The following NUP107 variants were observed in gnomAD, a reference collection of about 807,000 sequenced individuals.
NUP107 encodes nuclear pore complex protein Nup107.
NUP107 carries 101 observed loss-of-function variants against 141.0 expected under a neutral mutation model. The observed-to-expected ratio is 0.72, with a 90% CI of 0.61 to 0.84. The LOEUF (loss-of-function observed/expected upper bound fraction) is 0.84, where lower values mean the gene tolerates loss of function less well. Among genes scored for constraint, NUP107 ranks in the 40% least tolerant of loss-of-function variants. NUP107 has a pLI of 0.00. For synonymous variants in NUP107, 319 were observed against 363.9 expected (o/e 0.88, Z 1.41); for missense variants, 941 against 1,102.7 (o/e 0.85, Z 2.08).
rs757668208 is a variant in NUP107 at position 68,690,674 on chromosome 12, C to T, written c.231C>T (p.Ser77=). Residue 77 remains serine, a synonymous_variant, in exon 4 of 28, where the codon TCC becomes TCT. Coordinates refer to ENST00000229179, the MANE Select transcript of NUP107 (RefSeq NM_020401.4). The part of the protein sequence containing the change: ...SRSLLRQPDI[S]CILGTGGKSP... The stretch of plus-strand genomic sequence containing the variant: ...GCTTACTAAGGCAGCCAGATATTTC[C>T]TGCATTCTTGGAACAGGAGGGAAGT... 3 of 1,614,150 alleles carry T rather than the reference C, an allele frequency of 1.9e-6. No individual in the cohort carries two copies. The highest frequency in any genetic ancestry group is 2.5e-6 in the Non-Finnish European group (3 of 1,180,010).
chr12:68,710,896 T>C (rs35287096), intron 10 of NUP107, among the ~76,000 whole-genome samples: 5,194 of 152,146 alleles, frequency 0.034, 129 homozygotes, highest in African/African-American at 0.06. Flanking sequence ...GGTATCCAAG[T>C]AGGGTCCCCT....
At chr12:68,687,222 C>A in intron 1 of NUP107, 149 bp downstream of exon 1, 2 of 1,170,538 alleles carry the variant, frequency 1.7e-6, no homozygotes, top group Non-Finnish European at 2.4e-6. Context: ...GAAATTTGGC[C>A]ACAAATGGGG....
At chr12:68,707,688 A>G (rs1394747276) in intron 8 of NUP107, among the ~76,000 whole-genome samples, 2 of 152,228 alleles carry the variant, frequency 1.3e-5, no homozygotes, top group East Asian at 3.8e-4. Context: ...CTATTTACAT[A>G]TGTAGCATTT....
intron 5 of NUP107, 96 bp downstream of exon 5, chr12:68,692,208 TTTTC>T (rs976806532): frequency 3.2e-5 from 40 of 1,253,348 alleles, no homozygotes; most frequent in East Asian, 2.2e-4. Flanking sequence ...TATGTTTTTC[TTTTC>T]TTTCTTTCTG....
chr12:68,694,618 G>A (rs1875961337), intron 5 of NUP107, among the ~76,000 whole-genome samples: 1 of 152,136 alleles, frequency 6.6e-6, no homozygotes, highest in South Asian at 2.1e-4. Flanking sequence ...AGAATAGACA[G>A]AGGCTGGACG....
intron 8 of NUP107, among the ~76,000 whole-genome samples, chr12:68,708,856 T>C (rs1034618051): frequency 3.3e-5 from 5 of 152,140 alleles, no homozygotes; most frequent in African/African-American, 9.7e-5. Context: ...TGACCTCAAG[T>C]GATCTGCCTG....
At chr12:68,692,902 A>G (rs1241049075) in intron 5 of NUP107, among the ~76,000 whole-genome samples, 1 of 151,482 alleles carries the variant, frequency 6.6e-6, no homozygotes, top group Non-Finnish European at 1.5e-5. Context: ...GGCGTCTGCT[A>G]CCACACCCGG....
chr12:68,722,289 G>A (rs1877387824), intron 17 of NUP107, 137 bp downstream of exon 17: 5 of 674,612 alleles, frequency 7.4e-6, no homozygotes, highest in South Asian at 5.8e-5. Context: ...TCTTTGAAAC[G>A]AAGAAACTTA....
chr12:68,732,462 T>C (rs939010702), intron 22 of NUP107, 175 bp from the exon 23 acceptor site: 5 of 483,444 alleles, frequency 1.0e-5, no homozygotes, highest in African/African-American at 9.8e-5. Context: ...AATAGAGAGC[T>C]GTTAAATATG....
At chr12:68,712,942 C>A (rs1355236439) in intron 10 of NUP107, among the ~76,000 whole-genome samples, 2 of 151,942 alleles carry the variant, frequency 1.3e-5, no homozygotes, top group Non-Finnish European at 2.9e-5. Context: ...AAGCTAAAAA[C>A]CATAAAGCTT....
chr12:68,734,741 C>T lies in NUP107; in HGVS notation c.2296C>T (p.His766Tyr), dbSNP rs1877991921. The change falls in exon 25 of 28, where the codon CAT (histidine) becomes TAT (tyrosine). Residue 766 changes from histidine (H) to tyrosine (Y), a missense_variant. Coordinates refer to ENST00000229179, the MANE Select transcript of NUP107 (RefSeq NM_020401.4). ...TGAAACCTTTAATGAGTGGTTTAAG[C>T]ATATGAATTCAGTTCCACAAAAACC... Reference protein sequence around the residue: ...AHETFNEWFKHMNSVPQKPAL... With the variant: ...AHETFNEWFKYMNSVPQKPAL... 6.2e-7 allele frequency: 1 copy of T among 1,612,882 alleles called. No homozygotes were observed. Among genetic ancestry groups the T allele is most frequent in the African/African-American group, 1.3e-5 (1 of 74,976 alleles).
chr12:68,690,586 A>C, intron 3 of NUP107, 45 bp from the exon 4 acceptor site: 2 of 1,611,906 alleles, frequency 1.2e-6, no homozygotes, highest in Non-Finnish European at 1.7e-6. Flanking sequence ...TTGATAATGA[A>C]TGCTCACGCA....
chr12:68,712,450 T>G (rs1318503453), intron 10 of NUP107, among the ~76,000 whole-genome samples: 3 of 147,546 alleles, frequency 2.0e-5, no homozygotes, highest in East Asian at 3.9e-4. Flanking sequence ...AAAAGTCAGA[T>G]TGCCAGATTG....
chr12:68,687,349 G>C (rs765453928), intron 1 of NUP107: 5 of 783,502 alleles, frequency 6.4e-6, no homozygotes, highest in Non-Finnish European at 8.8e-6. Context: ...CGCTCCTGGG[G>C]TGGGCGGGGT....
At chr12:68,724,622 T>A (rs961947630) in intron 17 of NUP107, among the ~76,000 whole-genome samples, 2 of 151,718 alleles carry the variant, frequency 1.3e-5, no homozygotes, top group Non-Finnish European at 2.9e-5. Context: ...ACAAAAAAAA[T>A]TTTAAAAATT....
intron 5 of NUP107, among the ~76,000 whole-genome samples, 161 bp from the exon 6 acceptor site, chr12:68,696,658 A>C (rs1393633282): frequency 6.6e-6 from 1 of 152,232 alleles, no homozygotes; most frequent in East Asian, 1.9e-4. Context: ...GGTTGCAGTG[A>C]GCTGAGACCG....
chr12:68,697,968 C>T (rs1228916109), intron 6 of NUP107, among the ~76,000 whole-genome samples: 1 of 149,112 alleles, frequency 6.7e-6, no homozygotes, highest in Non-Finnish European at 1.5e-5. Context: ...GCGGAAGTTG[C>T]AGTGAACCAA....
intron 26 of NUP107, among the ~76,000 whole-genome samples, chr12:68,737,515 C>T (rs1005485535): frequency 9.4e-5 from 13 of 138,802 alleles, no homozygotes; most frequent in South Asian, 7.1e-4. Context: ...GAGCCGAGAT[C>T]GTGCCACTGC....
At chr12:68,731,301 C>A in intron 21 of NUP107, 41 bp downstream of exon 21, 2 of 1,552,340 alleles carry the variant, frequency 1.3e-6, no homozygotes, top group Middle Eastern at 1.7e-4. Context: ...CCTTTCTAGG[C>A]AAATGTTCAT....
Sources: gnomAD v4.1 joint callset for allele counts (sites outside exome capture counted in the v4.1 genomes callset) on GRCh38, gnomAD v4.1.1 for gene constraint, MANE v1.5 for transcripts, NCBI Gene and HGNC (gene_info 2026-07-23, HGNC 2026-07-21) for gene names.